EIF4E1B: variants seen among roughly 807,000 people sequenced by gnomAD.
The protein encoded by EIF4E1B is eukaryotic translation initiation factor 4E family member 1B, also known as eukaryotic translation initiation factor 4E type 1B.
In EIF4E1B, 22 loss-of-function variants were observed where a neutral mutation model predicts 31.3. That is an observed-to-expected ratio of 0.70 (90% CI 0.50 to 1.00). The LOEUF (loss-of-function observed/expected upper bound fraction) is 1.00. EIF4E1B is among the 50% of genes least tolerant of loss of function. The pLI, the probability that EIF4E1B is intolerant of heterozygous loss-of-function variation, is 0.00. For missense variants in EIF4E1B, 290 were observed against 311.6 expected, an observed-to-expected ratio of 0.93 and a Z score of 0.52; for synonymous variants, 126 against 120.2, an observed-to-expected ratio of 1.05 and a Z score of -0.31.
chr5:176,641,206 G>A (rs2113444114), intron 1 of EIF4E1B, among the ~76,000 whole-genome samples: 1 of 152,262 alleles, frequency 6.6e-6, no homozygotes. Context: ...GTGCATGCCT[G>A]TAGTCCCAGC....
At chr5:176,632,982 G>T (rs559305399) in intron 1 of EIF4E1B, among the ~76,000 whole-genome samples, 4 of 152,200 alleles carry the variant, frequency 2.6e-5, no homozygotes, top group Non-Finnish European at 5.9e-5. Flanking sequence ...GTGTTCTGGT[G>T]TGGAAAAGTG....
At position 176,645,883 on chromosome 5, in the gene EIF4E1B, G is replaced by T. The variant is rs756399527; in HGVS notation, c.632G>T (p.Arg211Leu). ...VLHVGRVYKE[R>L]LGLSPKTIIG... is the part of the protein sequence containing the mutation. ...ACCTGCAGGCGTGTATACAAAGAGC[G>T]CCTGGGCCTCTCCCCAAAGACCATC... Residue 211 changes from arginine to leucine, a missense_variant, in exon 9 of 9, where the codon CGC becomes CTC. Coordinates refer to ENST00000318682, the MANE Select transcript of EIF4E1B (RefSeq NM_001099408.2). This position sits in a 1 kb window ranked among gnomAD's most constrained non-coding sequence, Gnocchi z 5.4. 3 of 1,599,474 alleles carry T rather than the reference G, an allele frequency of 1.9e-6. No homozygotes were observed. Among genetic ancestry groups the T allele is most frequent in the Admixed American group, 3.5e-5 (2 of 57,684 alleles).
intron 1 of EIF4E1B, among the ~76,000 whole-genome samples, chr5:176,632,085 CA>C: frequency 6.6e-6 from 1 of 152,068 alleles, no homozygotes; most frequent in South Asian, 2.1e-4. Flanking sequence ...TGGAATGAGC[CA>C]ATTTTGATAC....
intron 1 of EIF4E1B, among the ~76,000 whole-genome samples, chr5:176,634,746 T>C (rs142194742): frequency 0.01 from 1,544 of 148,286 alleles, 28 homozygotes; most frequent in African/African-American, 0.035. Context: ...GTCGGCTCAC[T>C]GCAACCTCTG....
chr5:176,642,906 G>A, intron 3 of EIF4E1B, 104 bp downstream of exon 3: 2 of 1,267,422 alleles, frequency 1.6e-6, no homozygotes, highest in South Asian at 1.5e-5. Context: ...GTTAAAAGCT[G>A]GTAGCTGGGG....
At position 176,645,927 on chromosome 5, in the gene EIF4E1B, G is replaced by A; in HGVS notation, c.676G>A (p.Ala226Thr). The A allele has an allele frequency of 6.2e-7, 1 of 1,610,362 alleles. No individual in the cohort carries two copies. Among genetic ancestry groups the A allele is most frequent in the South Asian group, 1.1e-5 (1 of 90,244 alleles). Residue 226 changes from alanine to threonine, a missense_variant, in exon 9 of 9, where the codon GCA becomes ACA. Coordinates refer to ENST00000318682, the MANE Select transcript of EIF4E1B (RefSeq NM_001099408.2). This position sits in a 1 kb window ranked among gnomAD's most constrained non-coding sequence, Gnocchi z 5.4. Reference protein sequence around the residue: ...PKTIIGYQAHADTATKSNSLA... With the variant: ...PKTIIGYQAHTDTATKSNSLA... ...GACCATCATTGGGTACCAGGCCCAT[G>A]CAGACACAGCCACCAAGAGCAACTC... is the stretch of plus-strand genomic sequence containing the variant.
Position 176,630,907 on chromosome 5 carries a change from T to C in EIF4E1B, c.-359T>C, listed in dbSNP as rs912443424. 2 of 152,444 alleles carry C rather than the reference T, an allele frequency of 1.3e-5. No individual in the cohort carries two copies. The highest frequency in any genetic ancestry group is 4.8e-5 in the African/African-American group (2 of 41,436). The allele number at this position is 152,444 out of a possible 1,614,324, so 9.4% of individuals were successfully genotyped here. A position where few individuals can be genotyped will look rare whatever the true frequency, so the allele number is the denominator to read the frequency against. On this transcript the variant is annotated 5_prime_UTR_variant, in exon 1 of 9. Coordinates refer to ENST00000318682, the MANE Select transcript of EIF4E1B (RefSeq NM_001099408.2). Reference sequence around the variant, plus strand: ...GAGCGCTTAGTCCAGTGGTGCAGGTTTAAGGCTGGAGGCAGCGGAAAAGGA... The same window carrying C: ...GAGCGCTTAGTCCAGTGGTGCAGGTCTAAGGCTGGAGGCAGCGGAAAAGGA...
chr5:176,633,490 T>C (rs1471657669), intron 1 of EIF4E1B, among the ~76,000 whole-genome samples: 1 of 152,160 alleles, frequency 6.6e-6, no homozygotes, highest in Non-Finnish European at 1.5e-5. Context: ...ATTTATTTTT[T>C]GTTGAGACAG....
chr5:176,638,861 A>G lies in EIF4E1B; in HGVS notation c.-201-3182A>G, dbSNP rs1581184985. 6.6e-6 allele frequency among the ~76,000 whole-genome samples: 1 copy of G among 151,600 alleles called. No individual in the cohort carries two copies. The highest frequency in any genetic ancestry group is 1.5e-5 in the Non-Finnish European group (1 of 67,926). On this transcript the variant is annotated intron_variant, in intron 1 of 8. Transcript: ENST00000318682. This position sits in a 1 kb window ranked among gnomAD's most constrained non-coding sequence, Gnocchi z 4.3. ...GCGATCTCGGCTCACTGCAACCTCT[A>G]CCTCCCCAATTCAAGTGATTCTCCT... is the stretch of plus-strand genomic sequence containing the variant.
In EIF4E1B at chr5:176,645,914, G is replaced by A; in HGVS notation, c.663G>A (p.Gly221=). The change falls in exon 9 of 9, where the codon GGG becomes GGA. Residue 221 remains glycine, a synonymous_variant. Transcript: ENST00000318682. This position sits in a 1 kb window ranked among gnomAD's most constrained non-coding sequence, Gnocchi z 5.4. ...RLGLSPKTII[G]YQAHADTATK... is the part of the protein sequence containing the mutation. ...GCCTCTCCCCAAAGACCATCATTGG[G>A]TACCAGGCCCATGCAGACACAGCCA... 1 of 1,609,784 alleles carries A rather than the reference G, an allele frequency of 6.2e-7. No homozygotes were observed. The highest frequency in any genetic ancestry group is 1.1e-5 in the South Asian group (1 of 90,144).
At chr5:176,633,381 G>A (rs1268207671) in intron 1 of EIF4E1B, among the ~76,000 whole-genome samples, 4 of 152,156 alleles carry the variant, frequency 2.6e-5, no homozygotes, top group Non-Finnish European at 4.4e-5. Flanking sequence ...CTACAGGTGC[G>A]TGCCACCATG....
At chr5:176,642,858 C>CCA (rs1554151063) in intron 3 of EIF4E1B, 56 bp downstream of exon 3, 2 of 1,290,720 alleles carry the variant, frequency 1.5e-6, no homozygotes, top group African/African-American at 4.3e-5. Flanking sequence ...CTCTCCCCCC[C>CCA]CCCCCCCGCC....
At chr5:176,642,857 C>CCCCCCCT in intron 3 of EIF4E1B, 55 bp downstream of exon 3, 1 of 1,276,828 alleles carries the variant, frequency 7.8e-7, no homozygotes, top group Non-Finnish European at 1.0e-6. Context: ...CCTCTCCCCC[C>CCCCCCCT]CCCCCCCCGC....
At chr5:176,639,521 G>A (rs1760542541) in intron 1 of EIF4E1B, among the ~76,000 whole-genome samples, 1 of 152,150 alleles carries the variant, frequency 6.6e-6, no homozygotes, top group South Asian at 2.1e-4. Flanking sequence ...GGGGTGCTGT[G>A]GCTGGGAGGG....
chr5:176,631,572 C>T (rs1295394913), intron 1 of EIF4E1B, among the ~76,000 whole-genome samples: 1 of 149,474 alleles, frequency 6.7e-6, no homozygotes, highest in Non-Finnish European at 1.5e-5. Context: ...ACAGCATGGG[C>T]AAAGGCACTG....
chr5:176,643,584 G>A (rs564122083), intron 4 of EIF4E1B, 55 bp from the exon 5 acceptor site: 266 of 1,529,138 alleles, frequency 1.7e-4, no homozygotes, highest in Non-Finnish European at 2.2e-4. Flanking sequence ...CAGGTGCCCC[G>A]GGGGTGGACT....
chr5:176,644,467 C>G (rs557872587), intron 6 of EIF4E1B, 28 bp downstream of exon 6: 62 of 1,579,148 alleles, frequency 3.9e-5, no homozygotes, highest in Non-Finnish European at 5.0e-5. Context: ...CTTTCCCTCC[C>G]GCAAAGGGAC....
At chr5:176,641,222 G>A (rs923560409) in intron 1 of EIF4E1B, among the ~76,000 whole-genome samples, 1 of 152,136 alleles carries the variant, frequency 6.6e-6, no homozygotes, top group African/African-American at 2.4e-5. Context: ...CCAGCTACTC[G>A]GGAGGCTGAG....
chr5:176,644,701 G>T (rs1760659682), intron 6 of EIF4E1B: 4 of 527,844 alleles, frequency 7.6e-6, no homozygotes, highest in Non-Finnish European at 1.3e-5. Flanking sequence ...CTAGGGAAGG[G>T]CATCAGAATT....
Sources: allele counts gnomAD v4.1 joint callset (sites outside exome capture counted in the v4.1 genomes callset), GRCh38; gene constraint gnomAD v4.1.1; non-coding constraint Gnocchi (gnomAD v3.1); transcripts MANE v1.5; gene names NCBI Gene and HGNC (gene_info 2026-07-23, HGNC 2026-07-21).